The following FBN1 variants were observed in gnomAD, a reference collection of about 807,000 sequenced individuals.
FBN1 encodes the protein fibrillin 1.
A neutral mutation model predicts 365.1 loss-of-function variants in FBN1; 29 were observed. The observed-to-expected ratio is 0.08, with a 90% CI of 0.06 to 0.11. The LOEUF (loss-of-function observed/expected upper bound fraction) is 0.11, where lower values mean the gene tolerates loss of function less well. Among genes scored for constraint, FBN1 ranks in the 10% least tolerant of loss-of-function variants. The pLI is 1.00. For synonymous variants in FBN1, 1,210 were observed against 1,270.5 expected (o/e 0.95, Z 1.01); for missense variants, 2,476 against 3,703.2 (o/e 0.67, Z 8.60).
chr15:48,599,608 G>C (rs914589715), intron 5 of FBN1, among the ~76,000 whole-genome samples: 3 of 151,792 alleles, frequency 2.0e-5, no homozygotes, highest in Admixed American at 2.0e-4. Flanking sequence ...GTAGAAAGTA[G>C]ATACAATAAA....
intron 5 of FBN1, among the ~76,000 whole-genome samples, chr15:48,598,327 A>C (rs1329451576): frequency 6.6e-6 from 1 of 152,190 alleles, no homozygotes; most frequent in African/African-American, 2.4e-5. Context: ...TGTCATATTA[A>C]ATGAGTTAAC....
intron 5 of FBN1, among the ~76,000 whole-genome samples, chr15:48,598,888 G>C (rs776741000): frequency 5.9e-5 from 9 of 152,114 alleles, no homozygotes; most frequent in Non-Finnish European, 1.3e-4. Context: ...GAATCATGGG[G>C]GCAGGTCTCT....
chr15:48,490,224 AC>A, intron 24 of FBN1, 146 bp from the exon 25 acceptor site: 1 of 757,958 alleles, frequency 1.3e-6, no homozygotes, highest in Non-Finnish European at 2.2e-6. Context: ...CTCAAAAAAA[AC>A]CCCAGGCTCT....
intron 2 of FBN1, among the ~76,000 whole-genome samples, chr15:48,616,628 A>T (rs186993059): frequency 2.3e-3 from 348 of 152,290 alleles, no homozygotes; most frequent in African/African-American, 8.0e-3. Context: ...AAGGAAGGTA[A>T]ATCTTTAATA....
chr15:48,515,963 G>T (rs1228389890), intron 11 of FBN1, among the ~76,000 whole-genome samples: 1 of 152,056 alleles, frequency 6.6e-6, no homozygotes, highest in Admixed American at 6.5e-5. Flanking sequence ...ATAACAAAAG[G>T]ACATTAATCT....
chr15:48,557,738 T>C (rs959963170), intron 6 of FBN1, among the ~76,000 whole-genome samples: 2 of 152,184 alleles, frequency 1.3e-5, no homozygotes, highest in African/African-American at 4.8e-5. Flanking sequence ...CTAGGGCATC[T>C]TTTCCACAGT....
At chr15:48,506,181 C>T (rs1169968378) in intron 15 of FBN1, among the ~76,000 whole-genome samples, 1 of 152,126 alleles carries the variant, frequency 6.6e-6, no homozygotes, top group Non-Finnish European at 1.5e-5. Context: ...TGAGATTGTG[C>T]CACTGCACTC....
At chr15:48,419,300 A>T (rs992493051) in intron 63 of FBN1, among the ~76,000 whole-genome samples, 6 of 152,138 alleles carry the variant, frequency 3.9e-5, no homozygotes, top group Admixed American at 3.9e-4. Context: ...GGTCGCCTCT[A>T]CCATCCTCAG....
intron 4 of FBN1, among the ~76,000 whole-genome samples, chr15:48,600,745 G>C (rs1196460435): frequency 6.6e-6 from 1 of 152,142 alleles, no homozygotes; most frequent in East Asian, 1.9e-4. Flanking sequence ...TGTTTCTCTG[G>C]CATTCACTTT....
chr15:48,628,300 GAA>G (rs61447805), intron 2 of FBN1, among the ~76,000 whole-genome samples: 2 of 117,514 alleles, frequency 1.7e-5, no homozygotes, highest in Admixed American at 1.7e-4. Flanking sequence ...ATTTCTTGAA[GAA>G]AAAAAAAAAA....
intron 2 of FBN1, chr15:48,641,325 A>G (rs1890193412): frequency 6.6e-6 from 1 of 152,032 alleles, no homozygotes; most frequent in African/African-American, 2.4e-5. Flanking sequence ...AACACCTGCA[A>G]CAGGGGGGGA....
chr15:48,425,313 G>A, intron 60 of FBN1, 56 bp downstream of exon 60: 1 of 1,613,292 alleles, frequency 6.2e-7, no homozygotes, highest in Non-Finnish European at 8.5e-7. Context: ...TACAGGCAAA[G>A]GAATGCAGCC....
chr15:48,599,997 G>T (rs1410534169), intron 5 of FBN1, 142 bp downstream of exon 5: 6 of 669,908 alleles, frequency 9.0e-6, no homozygotes, highest in Non-Finnish European at 1.3e-5. Context: ...TAAGTGATTT[G>T]TTCATCTGTA....
At chr15:48,577,040 T>C (rs545723531) in intron 6 of FBN1, among the ~76,000 whole-genome samples, 1 of 152,332 alleles carries the variant, frequency 6.6e-6, no homozygotes, top group Non-Finnish European at 1.5e-5. Context: ...TTAGAACTCA[T>C]AATTCTCAGG....
chr15:48,645,201 G>T (rs1399273102), intron 1 of FBN1, among the ~76,000 whole-genome samples: 1 of 152,216 alleles, frequency 6.6e-6, no homozygotes, highest in Non-Finnish European at 1.5e-5. Context: ...CATATCCCCA[G>T]CGGTCCTAAG....
chr15:48,604,017 G>C lies in FBN1; in HGVS notation c.347-3783C>G, dbSNP rs376980758. Among the ~76,000 whole-genome samples, 5 of 152,322 alleles carry C rather than the reference G, an allele frequency of 3.3e-5. No individual in the cohort carries two copies. In the East Asian group the frequency reaches 7.7e-4, roughly 24 times the overall value. ...TTCAGTCATTCAACAGTGACTTACT[G>C]AACGTCTTTCATTTGGCAGCATTGG... On this transcript the variant is annotated intron_variant, in intron 4 of 65. Coordinates refer to ENST00000316623, the MANE Select transcript of FBN1 (RefSeq NM_000138.5).
rs1010750845 is a variant in FBN1, at chr15:48,600,216, C to A, written c.365G>T (p.Arg122Leu). 2 of 1,613,384 alleles carry A rather than the reference C, an allele frequency of 1.2e-6. No homozygotes were observed. Among genetic ancestry groups the A allele is most frequent in the South Asian group, 2.2e-5 (2 of 91,056 alleles). The change falls in exon 5 of 66, where the codon CGC (arginine) becomes CTC (leucine). Residue 122 changes from arginine (R) to leucine (L), a missense_variant. Physicochemically the swap from Arg to Leu is moderately radical, Grantham distance 102 (BLOSUM62 -2). Coordinates refer to ENST00000316623, the MANE Select transcript of FBN1 (RefSeq NM_000138.5). ...GSRSIQHCNI[R>L]CMNGGSCSDD... is the part of the protein sequence containing the mutation. Reference sequence around the variant, plus strand: ...ACTGCAGCTACCTCCATTCATACAGCGAATATTGCAGTGTTGTACTTGAAA... The same window carrying A: ...ACTGCAGCTACCTCCATTCATACAGAGAATATTGCAGTGTTGTACTTGAAA...
chr15:48,470,504 G>A, intron 36 of FBN1, 130 bp downstream of exon 36: 20 of 1,262,654 alleles, frequency 1.6e-5, no homozygotes, highest in Non-Finnish European at 2.2e-5. Flanking sequence ...AAAGGTATCT[G>A]TGATTCTTAA....
At chr15:48,423,169 T>C (rs1156516794) in intron 60 of FBN1, among the ~76,000 whole-genome samples, 1 of 152,208 alleles carries the variant, frequency 6.6e-6, no homozygotes, top group African/African-American at 2.4e-5. Flanking sequence ...TAATGATAAT[T>C]TTAAAATTGT....
Sources: allele counts gnomAD v4.1 joint callset (sites outside exome capture counted in the v4.1 genomes callset), GRCh38; gene constraint gnomAD v4.1.1; transcripts MANE v1.5; gene names NCBI Gene and HGNC (gene_info 2026-07-23, HGNC 2026-07-21).